Variants in CFAP206 observed in about 807,000 individuals in gnomAD.
The protein encoded by CFAP206 is cilia and flagella associated protein 206.
CFAP206 carries 53 observed loss-of-function variants against 65.4 expected under a neutral mutation model. That is an observed-to-expected ratio of 0.81 (90% confidence interval 0.65 to 1.02). The LOEUF is 1.02. Among genes scored for constraint, CFAP206 ranks in the 50% least tolerant of loss-of-function variants. CFAP206 has a pLI of 0.00. For missense variants in CFAP206, 663 were observed against 753.2 expected (o/e 0.88, Z 1.40); for synonymous variants, 250 against 254.4 (o/e 0.98, Z 0.17).
intron 7 of CFAP206, among the ~76,000 whole-genome samples, chr6:87,418,892 G>C (rs890166450): frequency 1.3e-5 from 2 of 152,052 alleles, no homozygotes; most frequent in South Asian, 2.1e-4. Flanking sequence ...TGGACAGATC[G>C]CTTGAGCCCA....
chr6:87,438,680 C>T (rs1226178042), intron 11 of CFAP206, among the ~76,000 whole-genome samples: 1 of 152,036 alleles, frequency 6.6e-6, no homozygotes, highest in Non-Finnish European at 1.5e-5. Context: ...CCTTCATGGC[C>T]GTCCCTGGCT....
At chr6:87,409,584 A>G (rs1298509275) in intron 1 of CFAP206, among the ~76,000 whole-genome samples, 1 of 151,896 alleles carries the variant, frequency 6.6e-6, no homozygotes. Context: ...CCATAATTTA[A>G]ATAATTGAAA....
intron 9 of CFAP206, among the ~76,000 whole-genome samples, 182 bp downstream of exon 9, chr6:87,429,006 C>T (rs955715985): frequency 2.0e-5 from 3 of 152,036 alleles, no homozygotes; most frequent in Non-Finnish European, 2.9e-5. Context: ...TTTGGGGGGC[C>T]GAGGCGGGTG....
In CFAP206 at chr6:87,411,022, T is replaced by TCTAC. The variant is rs1767726804; in HGVS notation, c.192+354_192+355insCTAC. 3.9e-5 allele frequency among the ~76,000 whole-genome samples: 6 copies of TCTAC among 152,076 alleles called. No individual in the cohort carries two copies. In the South Asian group the frequency reaches 1.2e-3, roughly 31 times the overall value. On this transcript the variant is annotated intron_variant, in intron 3 of 12. Transcript: ENST00000369562. ...CAGAATCCCTCCCATCTACTTAACATTTATTGACCAGAATGATATTGTAAG... is the reference window on the plus strand; with the variant it reads ...CAGAATCCCTCCCATCTACTTAACATCTACTTATTGACCAGAATGATATTGTAAG...
chr6:87,416,893 A>G, intron 6 of CFAP206, 66 bp downstream of exon 6: 1 of 1,382,460 alleles, frequency 7.2e-7, no homozygotes, highest in Non-Finnish European at 1.0e-6. Context: ...CACAGTGAGG[A>G]AAATAATAAA....
chr6:87,419,051 G>T (rs959221869), intron 7 of CFAP206, among the ~76,000 whole-genome samples: 6 of 148,516 alleles, frequency 4.0e-5, no homozygotes, highest in Non-Finnish European at 7.4e-5. Flanking sequence ...GGCAGAGGTT[G>T]CAGTGAGCCA....
Position 87,418,339 on chromosome 6 carries a change from G to T in CFAP206, c.763G>T (p.Ala255Ser). The change falls in exon 7 of 13, where the codon GCT (alanine) becomes TCT (serine). Residue 255 changes from alanine to serine, a missense_variant. Ala to Ser is a moderately conservative substitution (Grantham distance 99). Coordinates refer to ENST00000369562, the MANE Select transcript of CFAP206 (RefSeq NM_001031743.3). ...EKAANDPLMR[A>S]ELQPYMLKEA... ...GGCAGCCAACGACCCACTCATGAGG[G>T]CTGAACTTCAGCCATATATGTTAAA... is the stretch of plus-strand genomic sequence containing the variant. The T allele has an allele frequency of 6.2e-7, 1 of 1,614,042 alleles. No individual in the cohort carries two copies. The highest frequency in any genetic ancestry group is 1.1e-5 in the South Asian group (1 of 91,066).
chr6:87,411,376 G>A (rs1767733235), intron 3 of CFAP206, among the ~76,000 whole-genome samples: 1 of 152,060 alleles, frequency 6.6e-6, no homozygotes, highest in African/African-American at 2.4e-5. Context: ...ACTTTATAAT[G>A]GGGTTATTTG....
intron 12 of CFAP206, among the ~76,000 whole-genome samples, chr6:87,462,667 T>C (rs7752181): frequency 6.4e-4 from 97 of 152,240 alleles, no homozygotes; most frequent in African/African-American, 2.3e-3. Context: ...GATGGCTGGA[T>C]AGGATAGGAG....
chr6:87,418,162 GT>G (rs2127948582), intron 6 of CFAP206, 45 bp from the exon 7 acceptor site: 1 of 1,557,258 alleles, frequency 6.4e-7, no homozygotes, highest in Non-Finnish European at 8.8e-7. Flanking sequence ...CTCCTTAATT[GT>G]TTTTAGTCTC....
intron 11 of CFAP206, among the ~76,000 whole-genome samples, chr6:87,450,610 C>CA (rs1768525482): frequency 6.7e-6 from 1 of 149,186 alleles, no homozygotes; most frequent in Non-Finnish European, 1.5e-5. Flanking sequence ...TTCAAATTAC[C>CA]ACCAGATTGA....
At chr6:87,437,646 T>A (rs969301878) in intron 11 of CFAP206, among the ~76,000 whole-genome samples, 4 of 151,484 alleles carry the variant, frequency 2.6e-5, no homozygotes, top group Admixed American at 2.6e-4. Context: ...TTCTTTACAT[T>A]TTATTTTTAT....
intron 11 of CFAP206, among the ~76,000 whole-genome samples, chr6:87,439,237 A>G (rs758704896): frequency 1.2e-4 from 19 of 152,066 alleles, no homozygotes; most frequent in Non-Finnish European, 2.1e-4. Flanking sequence ...GTTTTTTCCT[A>G]TGGTAGTTTC....
chr6:87,441,206 AC>A, intron 11 of CFAP206: 1 of 305,066 alleles, frequency 3.3e-6, no homozygotes, highest in Non-Finnish European at 5.2e-6. Context: ...ACTGGTAAAA[AC>A]AAAATTGTAA....
rs555292689 is a variant in CFAP206, at chr6:87,460,788, T to TA, written c.1495-225dup. 1.6e-3 allele frequency among the ~76,000 whole-genome samples: 246 copies of TA among 150,054 alleles called. 12 individuals are homozygous for TA. The South Asian group carries it at 0.047, about 29-fold the overall frequency. ...GCCCCCTTGAATCTAAAATAAAAGT[T>TA]AAAAAAAAACACCCCCTACATTAAC... On this transcript the variant is annotated intron_variant, in intron 11 of 12. Coordinates refer to ENST00000369562, the MANE Select transcript of CFAP206 (RefSeq NM_001031743.3).
chr6:87,439,788 A>C (rs1000929681), intron 11 of CFAP206, among the ~76,000 whole-genome samples: 13 of 152,010 alleles, frequency 8.6e-5, no homozygotes, highest in African/African-American at 3.1e-4. Context: ...CATTTGTTTA[A>C]TAGTCTCTCC....
intron 1 of CFAP206, among the ~76,000 whole-genome samples, chr6:87,409,358 C>T (rs941249127): frequency 2.8e-4 from 43 of 152,012 alleles, no homozygotes; most frequent in African/African-American, 1.0e-3. Flanking sequence ...GGATTACAGG[C>T]GTGTGCCACC....
At chr6:87,422,711 A>G (rs1341597495) in intron 7 of CFAP206, among the ~76,000 whole-genome samples, 4 of 151,340 alleles carry the variant, frequency 2.6e-5, no homozygotes, top group Non-Finnish European at 5.9e-5. Context: ...AGATTGCACC[A>G]CTGCACTCTA....
At chr6:87,410,722 C>G (rs760819739) in intron 3 of CFAP206, 54 bp downstream of exon 3, 14 of 1,356,504 alleles carry the variant, frequency 1.0e-5, no homozygotes, top group Admixed American at 3.4e-5. Flanking sequence ...GTTGTAAATA[C>G]AATATTTGTA....
Sources: allele counts gnomAD v4.1 joint callset (sites outside exome capture counted in the v4.1 genomes callset), GRCh38; gene constraint gnomAD v4.1.1; transcripts MANE v1.5; gene names NCBI Gene and HGNC (gene_info 2026-07-23, HGNC 2026-07-21).